ATP2B3: variants seen among roughly 807,000 people sequenced by gnomAD.
The protein encoded by ATP2B3 is ATPase plasma membrane Ca2+ transporting 3, also known as plasma membrane calcium-transporting ATPase 3.
Under a neutral mutation model 70.8 loss-of-function variants are expected in ATP2B3, and 12 were observed. The ratio of observed to expected loss-of-function variants is 0.17; its 90% CI spans 0.11 to 0.27. The LOEUF (loss-of-function observed/expected upper bound fraction) is 0.27. Among genes scored for constraint, ATP2B3 ranks in the 10% least tolerant of loss-of-function variants. The pLI, the probability that ATP2B3 is intolerant of heterozygous loss-of-function variation, is 1.00. For missense variants in ATP2B3, 858 were observed against 1,118.5 expected, an observed-to-expected ratio of 0.77 and a Z score of 3.32; for synonymous variants, 460 against 497.8, an observed-to-expected ratio of 0.92 and a Z score of 1.01.
At chrX:153,579,704 C>A (rs1416709684) in intron 21 of ATP2B3, among the ~76,000 whole-genome samples, 1 of 111,342 alleles carries the variant, frequency 9.0e-6, no homozygotes, top group Non-Finnish European at 1.9e-5. Flanking sequence ...TTCCTGCATG[C>A]GGATCGGTTG....
chrX:153,542,904 G>C (rs961061462), intron 6 of ATP2B3, 139 bp from the exon 7 acceptor site: 1 of 861,248 alleles, frequency 1.2e-6, no homozygotes, highest in East Asian at 3.3e-5. Context: ...CCAAGCCAGG[G>C]AGGAGGCTTC....
chrX:153,527,128 A>G lies in ATP2B3; in HGVS notation c.-127+8577A>G, dbSNP rs73633648. The stretch of plus-strand genomic sequence containing the variant: ...TAGGCCCCGACGGCTTCCGGTCCTC[A>G]GAGCTGGCTCTGAGATTGGAAGCGG... On this transcript the variant is annotated intron_variant, in intron 2 of 21. Transcript: ENST00000263519. Among the ~76,000 whole-genome samples the G allele has an allele frequency of 4.8e-3, 546 of 112,668 alleles. 5 individuals carry two copies. The highest frequency in any genetic ancestry group is 0.017 in the African/African-American group (526 of 31,045).
At chrX:153,521,633 C>G (rs914445913) in intron 2 of ATP2B3, among the ~76,000 whole-genome samples, 2 of 112,012 alleles carry the variant, frequency 1.8e-5, no homozygotes, top group Non-Finnish European at 3.8e-5. Flanking sequence ...GAGCCAGCCT[C>G]TCTTGTTCTG....
intron 21 of ATP2B3, among the ~76,000 whole-genome samples, chrX:153,568,223 G>A (rs112902489): frequency 0.013 from 1,507 of 111,667 alleles, 26 homozygotes; most frequent in African/African-American, 0.047. Context: ...TTTCTGAAGC[G>A]CTCATGACTC....
At chrX:153,521,595 T>A (rs1302269802) in intron 2 of ATP2B3, among the ~76,000 whole-genome samples, 1 of 111,950 alleles carries the variant, frequency 8.9e-6, no homozygotes, top group Non-Finnish European at 1.9e-5. Flanking sequence ...TCCGTGTCCT[T>A]GAAGAGCACC....
In ATP2B3 at chrX:153,560,864, G is replaced by A. The variant is rs782506527; in HGVS notation, c.3028G>A (p.Val1010Ile). Residue 1010 changes from valine (V) to isoleucine (I), a missense_variant, in exon 19 of 22, where the codon GTT (valine) becomes ATT (isoleucine). By Grantham distance (29) the Val-to-Ile change is conservative. Coordinates refer to ENST00000263519, the MANE Select transcript of ATP2B3 (RefSeq NM_001001344.3). The stretch of plus-strand genomic sequence containing the variant: ...CAGCAACCCCATCTTCTGCACCATC[G>A]TTTTGGGCACTTTCGGGATTCAGGT... ...IFSNPIFCTI[V>I]LGTFGIQIVI... The A allele has an allele frequency of 2.1e-5, 25 of 1,210,064 alleles. No individual in the cohort carries two copies. The highest frequency in any genetic ancestry group is 5.2e-5 in the African/African-American group (3 of 57,210).
chrX:153,558,004 T>A, intron 16 of ATP2B3, 108 bp from the exon 17 acceptor site: 1 of 784,512 alleles, frequency 1.3e-6, no homozygotes, highest in Non-Finnish European at 1.8e-6. Context: ...GGGATGTTAT[T>A]CAGAAGGGGA....
chrX:153,519,554 G>GA (rs782581529), intron 2 of ATP2B3, among the ~76,000 whole-genome samples: 2 of 112,381 alleles, frequency 1.8e-5, no homozygotes, highest in East Asian at 5.6e-4. Context: ...GAGGGCTGGG[G>GA]ATGCCTGGGC....
chrX:153,525,823 G>A (rs1181252502), intron 2 of ATP2B3, among the ~76,000 whole-genome samples: 3 of 113,189 alleles, frequency 2.7e-5, no homozygotes, highest in Non-Finnish European at 5.6e-5. Flanking sequence ...AGCTAGGCTT[G>A]GAAACCTCTG....
chrX:153,525,407 C>T (rs1221512689), intron 2 of ATP2B3, among the ~76,000 whole-genome samples: 4 of 112,005 alleles, frequency 3.6e-5, no homozygotes, highest in Non-Finnish European at 1.9e-5. Context: ...TGGACCAGCC[C>T]GGCAGTAACC....
At chrX:153,531,561 T>C (rs1187163885) in intron 2 of ATP2B3, among the ~76,000 whole-genome samples, 2 of 113,078 alleles carry the variant, frequency 1.8e-5, no homozygotes, top group Non-Finnish European at 3.8e-5. Context: ...GGAGGGCATG[T>C]GCCCAGGTAG....
At chrX:153,548,045 G>A in intron 9 of ATP2B3, 46 bp downstream of exon 9, 2 of 1,160,684 alleles carry the variant, frequency 1.7e-6, no homozygotes, top group South Asian at 2.1e-5. Flanking sequence ...GACTGGGCGT[G>A]GAGGATGCTG....
rs2090920703 is a variant in ATP2B3 at position 153,581,330 on chromosome X, A to C, written c.*1032A>C. The C allele has an allele frequency of 8.9e-6, 1 of 111,741 alleles. No individual in the cohort carries two copies. Among genetic ancestry groups the C allele is most frequent in the Non-Finnish European group, 1.9e-5 (1 of 53,120 alleles). 9.2% of individuals were successfully genotyped at this position (111,741 alleles called of 1,213,427 possible). On this transcript the variant is annotated 3_prime_UTR_variant, in exon 22 of 22. Transcript: ENST00000263519. The stretch of plus-strand genomic sequence containing the variant: ...GGAAATTTTAATCTAAAAGGAAAAA[A>C]CCAAAATATTGATGAGAAGGAGTCC...
chrX:153,552,463 C>T (rs2090471561), intron 12 of ATP2B3, among the ~76,000 whole-genome samples: 1 of 112,378 alleles, frequency 8.9e-6, no homozygotes, highest in African/African-American at 3.2e-5. Flanking sequence ...CCACCTGAAT[C>T]CTCCCAAGTC....
intron 12 of ATP2B3, 99 bp downstream of exon 12, chrX:153,550,385 T>C: frequency 8.8e-7 from 1 of 1,136,247 alleles, no homozygotes. Flanking sequence ...TTTCAACCAC[T>C]TTACAGTGTA....
At chrX:153,570,944 C>T (rs782718637) in intron 21 of ATP2B3, among the ~76,000 whole-genome samples, 44 of 107,622 alleles carry the variant, frequency 4.1e-4, no homozygotes, top group Non-Finnish European at 7.9e-4. Flanking sequence ...GCCACTCTGT[C>T]CTTTAAGGAA....
rs782674940 is a variant in ATP2B3, at chrX:153,532,243, G to A, written c.-126-3879G>A. On this transcript the variant is annotated intron_variant, in intron 2 of 21. Coordinates refer to ENST00000263519, the MANE Select transcript of ATP2B3 (RefSeq NM_001001344.3). ...AGTGTGTGCCATGGGGTCCTGAGAG[G>A]GGCCCCATGGGAGCGGGGGTGCCCC... Among the ~76,000 whole-genome samples, 6 of 112,743 alleles carry A rather than the reference G, an allele frequency of 5.3e-5. No individual in the cohort carries two copies. In the South Asian group the frequency reaches 1.1e-3, roughly 21 times the overall value.
rs781889238 is a variant in ATP2B3, at chrX:153,534,830, G to A, written c.-126-1292G>A. Among the ~76,000 whole-genome samples the A allele has an allele frequency of 1.3e-4, 15 of 113,315 alleles. No homozygotes were observed. In the South Asian group the frequency reaches 3.9e-3, roughly 30 times the overall value. On this transcript the variant is annotated intron_variant, in intron 2 of 21. Transcript: ENST00000263519. ...ATGGGTCACTGTGGATGGATGTTTC[G>A]TGAAGTATCCACCAGGGCCTCTCCT...
At chrX:153,518,340 C>T (rs1331367626) in intron 1 of ATP2B3, among the ~76,000 whole-genome samples, 92 bp from the exon 2 acceptor site, 1 of 112,500 alleles carries the variant, frequency 8.9e-6, no homozygotes, top group Admixed American at 9.2e-5. Context: ...CGCACGCCCA[C>T]GCGGCTGCCC....
Sources: allele counts gnomAD v4.1 joint callset (sites outside exome capture counted in the v4.1 genomes callset), GRCh38; gene constraint gnomAD v4.1.1; transcripts MANE v1.5; gene names NCBI Gene and HGNC (gene_info 2026-07-23, HGNC 2026-07-21).